Variants in ALDH16A1 observed in about 807,000 individuals in gnomAD.
The protein encoded by ALDH16A1 is aldehyde dehydrogenase family 16 member A1.
ALDH16A1 carries 88 observed loss-of-function variants against 96.1 expected under a neutral mutation model. That is an observed-to-expected ratio of 0.92 (90% CI 0.77 to 1.09). The LOEUF is 1.09. Ranked by LOEUF, ALDH16A1 falls within the 50% of genes least tolerant of loss-of-function variation. ALDH16A1 has a pLI of 0.00. For missense variants in ALDH16A1, 1,250 were observed against 1,112.6 expected (o/e 1.12, Z -1.76); for synonymous variants, 522 against 496.4 (o/e 1.05, Z -0.69).
chr19:49,470,541 T>C lies in ALDH16A1; in HGVS notation c.*74T>C. On this transcript the variant is annotated 3_prime_UTR_variant, in exon 17 of 17. Transcript: ENST00000293350. ...ATGCACCCCACAGACACCTGGGACT[T>C]TCCCCTTCTGGTTCCTGTGTCTCCC... The C allele has an allele frequency of 2.1e-6, 3 of 1,406,102 alleles. No homozygotes were observed. Among genetic ancestry groups the C allele is most frequent in the Non-Finnish European group, 1.9e-6 (2 of 1,075,126 alleles). 87.1% of individuals were successfully genotyped at this position (1,406,102 alleles called of 1,614,324 possible).
intron 1 of ALDH16A1, among the ~76,000 whole-genome samples, chr19:49,457,928 T>G (rs962306326): frequency 1.3e-5 from 2 of 152,036 alleles, no homozygotes; most frequent in African/African-American, 4.8e-5. Context: ...AGACCCTAAT[T>G]GAATGAATTA....
Position 49,465,918 on chromosome 19 carries a change from A to C in ALDH16A1, c.1736+13A>C. 6.2e-7 allele frequency: 1 copy of C among 1,612,158 alleles called. No homozygotes were observed. Among genetic ancestry groups the C allele is most frequent in the Non-Finnish European group, 8.5e-7 (1 of 1,179,108 alleles). ...AGGCTTTCCCTGGGTAAGGGGTCAC[A>C]CGGGAAAGCCCAAGGGTCATGGTGT... On this transcript the variant is annotated intron_variant, in intron 13 of 16. Coordinates refer to ENST00000293350, the MANE Select transcript of ALDH16A1 (RefSeq NM_153329.4).
chr19:49,454,865 T>A (rs2079095334), intron 1 of ALDH16A1, among the ~76,000 whole-genome samples: 1 of 152,010 alleles, frequency 6.6e-6, no homozygotes, highest in South Asian at 2.1e-4. Context: ...AGACTTGTAA[T>A]CCCAGCACTT....
rs148343865 is a variant in ALDH16A1, at chr19:49,455,361, A to T, written c.90+1940A>T. 8.4e-3 allele frequency among the ~76,000 whole-genome samples: 1,267 copies of T among 151,026 alleles called. 10 individuals are homozygous for T. Among genetic ancestry groups the T allele is most frequent in the Admixed American group, 0.014 (217 of 15,080 alleles). ...AACCCAGGAGGTGGAGATTGCAGTG[A>T]GCCGAGACCACGCCACTGCACTCCA... On this transcript the variant is annotated intron_variant, in intron 1 of 16. Coordinates refer to ENST00000293350, the MANE Select transcript of ALDH16A1 (RefSeq NM_153329.4).
In ALDH16A1 at chr19:49,458,945, C is replaced by T. The variant is rs917736465; in HGVS notation, c.194-15C>T. ...GCTACTCCTCCCATCTGAGTCCCCC[C>T]ACTTTTCTCCCCAGGAGAGAACTTG... On this transcript the variant is annotated splice_polypyrimidine_tract_variant and intron_variant, in intron 2 of 16. Transcript: ENST00000293350. 5.0e-6 allele frequency: 8 copies of T among 1,606,784 alleles called. No individual in the cohort carries two copies. The highest frequency in any genetic ancestry group is 3.4e-5 in the Admixed American group (2 of 59,434).
Position 49,464,772 on chromosome 19 carries a change from TG to T in ALDH16A1, c.1568+15del. 1 of 1,613,702 alleles carries T rather than the reference TG, an allele frequency of 6.2e-7. No individual in the cohort carries two copies. Among genetic ancestry groups the T allele is most frequent in the East Asian group, 2.2e-5 (1 of 44,876 alleles). ...CTGAAATAGGGCCCAGGTGAGTCGTTGGGGGCCAGTGGTCTGGGAGTGTGAA... is the reference window on the plus strand; with the variant it reads ...CTGAAATAGGGCCCAGGTGAGTCGTTGGGGCCAGTGGTCTGGGAGTGTGAA... On this transcript the variant is annotated intron_variant, in intron 12 of 16. Transcript: ENST00000293350.
At chr19:49,461,190 T>C (rs12462789) in intron 5 of ALDH16A1, among the ~76,000 whole-genome samples, 2,326 of 9,076 alleles carry the variant, frequency 0.26, 469 homozygotes, top group African/African-American at 0.31. Flanking sequence ...GGGGTCTGGA[T>C]TCCTGGGTCT....
chr19:49,462,016 G>A lies in ALDH16A1; in HGVS notation c.892G>A (p.Ala298Thr), dbSNP rs2097594201. ...DSAVEGVVDAAWSDRGPGGLR... is the reference protein window; with the variant it reads ...DSAVEGVVDATWSDRGPGGLR... ...GGCCGTGGAGGGTGTCGTGGACGCC[G>A]CCTGGTCCGACCGCGGCCCGGTGAG... The change falls in exon 7 of 17, where the codon GCC (alanine) becomes ACC (threonine). Residue 298 changes from alanine to threonine, a missense_variant. Coordinates refer to ENST00000293350, the MANE Select transcript of ALDH16A1 (RefSeq NM_153329.4). 5 of 1,542,804 alleles carry A rather than the reference G, an allele frequency of 3.2e-6. No homozygotes were observed. Among genetic ancestry groups the A allele is most frequent in the South Asian group, 1.2e-5 (1 of 84,316 alleles).
Position 49,464,638 on chromosome 19 carries a change from T to C in ALDH16A1, c.1444T>C (p.Tyr482His). ...GACACCGTCCCTCTCACAGGGGCTG[T>C]ATGAGTATCTGCGGCCCTCAGGGAC... ...CSWHGGPDGL[Y>H]EYLRPSGTPA... The change falls in exon 12 of 17, where the codon TAT becomes CAT. Residue 482 changes from tyrosine to histidine, a missense_variant. Coordinates refer to ENST00000293350, the MANE Select transcript of ALDH16A1 (RefSeq NM_153329.4). 1 of 1,614,104 alleles carries C rather than the reference T, an allele frequency of 6.2e-7. No homozygotes were observed. The highest frequency in any genetic ancestry group is 8.5e-7 in the Non-Finnish European group (1 of 1,179,986).
intron 14 of ALDH16A1, among the ~76,000 whole-genome samples, chr19:49,467,828 C>T (rs2079211544): frequency 6.6e-6 from 1 of 151,582 alleles, no homozygotes; most frequent in South Asian, 2.1e-4. Flanking sequence ...CCTCCCCTTG[C>T]CTCCCACCCC....
chr19:49,458,937 A>G, intron 2 of ALDH16A1, 23 bp from the exon 3 acceptor site: 1 of 1,604,466 alleles, frequency 6.2e-7, no homozygotes, highest in East Asian at 2.2e-5. Flanking sequence ...CTCCCATCTG[A>G]GTCCCCCCAC....
At position 49,468,910 on chromosome 19, in the gene ALDH16A1, G is replaced by A; in HGVS notation, c.2171G>A (p.Gly724Glu). The A allele has an allele frequency of 6.2e-7, 1 of 1,614,030 alleles. No individual in the cohort carries two copies. The highest frequency in any genetic ancestry group is 8.5e-7 in the Non-Finnish European group (1 of 1,180,018). ...GCAGGCCTGGCCAACGTGGTGACAGGAGACCGGGACCATCTGACCCGCTGC... is the reference window on the plus strand; with the variant it reads ...GCAGGCCTGGCCAACGTGGTGACAGAAGACCGGGACCATCTGACCCGCTGC... ...FPAGLANVVT[G>E]DRDHLTRCLA... is the part of the protein sequence containing the mutation. The change falls in exon 16 of 17, where the codon GGA becomes GAA. Residue 724 changes from glycine (G) to glutamate (E), a missense_variant. Coordinates refer to ENST00000293350, the MANE Select transcript of ALDH16A1 (RefSeq NM_153329.4). This position sits in a 1 kb window ranked among gnomAD's most constrained non-coding sequence, Gnocchi z 4.4.
intron 5 of ALDH16A1, 26 bp downstream of exon 5, chr19:49,460,925 A>C: frequency 6.2e-7 from 1 of 1,605,340 alleles, no homozygotes; most frequent in Non-Finnish European, 8.5e-7. Context: ...GGGGGTCCTG[A>C]CTCTTGGGTC....
intron 1 of ALDH16A1, among the ~76,000 whole-genome samples, chr19:49,457,697 C>CG (rs1224769063): frequency 5.3e-5 from 8 of 151,736 alleles, no homozygotes; most frequent in Non-Finnish European, 1.0e-4. Context: ...ACAGCCTCTA[C>CG]CTCCTGGGCT....
rs767796564 is a variant in ALDH16A1, at chr19:49,459,676, C to G, written c.327C>G (p.Ala109=). 3 of 1,606,676 alleles carry G rather than the reference C, an allele frequency of 1.9e-6. No individual in the cohort carries two copies. Among genetic ancestry groups the G allele is most frequent in the South Asian group, 2.2e-5 (2 of 90,382 alleles). The change falls in exon 4 of 17, where the codon GCC becomes GCG. Residue 109 remains alanine, a synonymous_variant. Transcript: ENST00000293350. The surrounding 1 kb of genome is among the most constrained non-coding windows in gnomAD (Gnocchi z 4.1). ...VVRAQHLTRL[A]EVIQKHQRLL... Reference sequence around the variant, plus strand: ...CCTCTTGCTTTCTCGACAGGCTGGCCGAGGTGATCCAGAAGCACCAGCGGC... The same window carrying G: ...CCTCTTGCTTTCTCGACAGGCTGGCGGAGGTGATCCAGAAGCACCAGCGGC...
rs1221654826 is a variant in ALDH16A1 at position 49,460,901 on chromosome 19, TAA to T, written c.577+4_577+5del. On this transcript the variant is annotated splice_donor_region_variant and intron_variant, in intron 5 of 16. Transcript: ENST00000293350. The stretch of plus-strand genomic sequence containing the variant: ...GGATTTGCCCTGCCCTGGCTGTGGG[TAA>T]ATGATGGCCTGGGGGGTCCTGACTC... 1 of 1,612,866 alleles carries T rather than the reference TAA, an allele frequency of 6.2e-7. No individual in the cohort carries two copies. The highest frequency in any genetic ancestry group is 1.1e-5 in the South Asian group (1 of 91,038).
Position 49,460,761 on chromosome 19 carries a change from C to T in ALDH16A1, c.500-61C>T, listed in dbSNP as rs1272804449. 3 of 1,367,964 alleles carry T rather than the reference C, an allele frequency of 2.2e-6. No individual in the cohort carries two copies. The East Asian group carries it at 7.2e-5, about 33-fold the overall frequency. 84.7% of individuals were successfully genotyped at this position (1,367,964 alleles called of 1,614,324 possible). ...GTAGCCATGGGGTCTTGCCATGTGG[C>T]CCAGGCTGGACTTAAACACCTAGCC... is the stretch of plus-strand genomic sequence containing the variant. On this transcript the variant is annotated intron_variant, in intron 4 of 16. Coordinates refer to ENST00000293350, the MANE Select transcript of ALDH16A1 (RefSeq NM_153329.4).
intron 12 of ALDH16A1, among the ~76,000 whole-genome samples, chr19:49,465,017 A>G (rs1337607222): frequency 6.6e-6 from 1 of 152,202 alleles, no homozygotes; most frequent in Non-Finnish European, 1.5e-5. Flanking sequence ...TCACTGGAGC[A>G]GAAGCTTGGG....
In ALDH16A1 at chr19:49,461,888, G is replaced by A. The variant is rs763896254; in HGVS notation, c.764G>A (p.Gly255Glu). The A allele has an allele frequency of 5.0e-6, 8 of 1,587,690 alleles. No homozygotes were observed. Among genetic ancestry groups the A allele is most frequent in the Admixed American group, 3.6e-5 (2 of 56,110 alleles). ...TGAACTGGGGGGGGTCCCTAGGAAG[G>A]GCGTGCCCTTCGACGGAGCCTGGCG... ...KVAFCGAPEE[G>E]RALRRSLAGE... Residue 255 changes from glycine to glutamate, a missense_variant, in exon 7 of 17, where the codon GGG becomes GAG. Coordinates refer to ENST00000293350, the MANE Select transcript of ALDH16A1 (RefSeq NM_153329.4).
Sources: gnomAD v4.1 joint callset for allele counts (sites outside exome capture counted in the v4.1 genomes callset) on GRCh38, gnomAD v4.1.1 for gene constraint, Gnocchi (gnomAD v3.1) non-coding constraint, MANE v1.5 for transcripts, NCBI Gene and HGNC (gene_info 2026-07-23, HGNC 2026-07-21) for gene names.